SRGAP2: variants seen among roughly 807,000 people sequenced by gnomAD.
SRGAP2 encodes the protein SLIT-ROBO Rho GTPase activating protein 2.
Under a neutral mutation model 57.2 loss-of-function variants are expected in SRGAP2, and 15 were observed. That is an observed-to-expected ratio of 0.26 (90% CI 0.18 to 0.40). The LOEUF is 0.40. Among genes scored for constraint, SRGAP2 ranks in the 10% least tolerant of loss-of-function variants. The probability of loss-of-function intolerance (pLI) is 1.00; values close to 1 mark genes in which losing one functional copy is unlikely to be tolerated. For missense variants in SRGAP2, 520 were observed against 669.6 expected (o/e 0.78, Z 2.47); for synonymous variants, 249 against 248.0 (o/e 1.00, Z -0.04).
intron 2 of SRGAP2, among the ~76,000 whole-genome samples, chr1:206,281,591 G>T (rs1670738262): frequency 8.5e-6 from 1 of 117,908 alleles, no homozygotes. Flanking sequence ...TCAGCACTTT[G>T]GGAGGCTGAG....
At chr1:206,413,822 G>A (rs1295766323) in intron 10 of SRGAP2, among the ~76,000 whole-genome samples, 2 of 152,182 alleles carry the variant, frequency 1.3e-5, no homozygotes, top group East Asian at 1.9e-4. Flanking sequence ...TGTATGAGAA[G>A]TGCTGTCATG....
chr1:206,417,997 G>T (rs1465681208), intron 11 of SRGAP2, among the ~76,000 whole-genome samples: 1 of 151,104 alleles, frequency 6.6e-6, no homozygotes, highest in Non-Finnish European at 1.5e-5. Flanking sequence ...GAGTGAATGG[G>T]TTTACTCACA....
chr1:206,238,742 G>A (rs1156962237), intron 2 of SRGAP2, among the ~76,000 whole-genome samples: 31 of 152,194 alleles, frequency 2.0e-4, no homozygotes, highest in Non-Finnish European at 2.9e-5. Context: ...TGGGCAGAGT[G>A]TTTGAATAGC....
Position 206,203,555 on chromosome 1 carries a change from C to T in SRGAP2, c.-638C>T. The T allele has an allele frequency of 1.7e-6, 1 of 579,834 alleles. No individual in the cohort carries two copies. The highest frequency in any genetic ancestry group is 3.1e-6 in the Non-Finnish European group (1 of 325,682). 35.9% of individuals were successfully genotyped at this position (579,834 alleles called of 1,614,324 possible). On this transcript the variant is annotated 5_prime_UTR_variant, in exon 1 of 23. Coordinates refer to ENST00000573034, the MANE Select transcript of SRGAP2 (RefSeq NM_015326.5). ...GAGGCTCCTCCAGGGACTGGGGCAC[C>T]GATCTGCGTAGAAACGGGTGGCGGG...
chr1:206,441,748 G>C (rs1662325478), intron 17 of SRGAP2, among the ~76,000 whole-genome samples: 1 of 152,192 alleles, frequency 6.6e-6, no homozygotes, highest in South Asian at 2.1e-4. Flanking sequence ...TGCAGTCCCT[G>C]GTGGCAGCAA....
At chr1:206,456,801 C>T (rs1553378633) in intron 21 of SRGAP2, among the ~76,000 whole-genome samples, 1 of 152,096 alleles carries the variant, frequency 6.6e-6, no homozygotes, top group African/African-American at 2.4e-5. Context: ...ACCTCCTGCC[C>T]CCCACGCCAC....
chr1:206,409,138 T>TTA (rs1658954800), intron 10 of SRGAP2, among the ~76,000 whole-genome samples: 1 of 101,276 alleles, frequency 9.9e-6, no homozygotes, highest in Admixed American at 1.2e-4. Context: ...TGTGCTTTCT[T>TTA]TAGTCTGTTG....
rs781978820 is a variant in SRGAP2 at position 206,461,031 on chromosome 1, T to C, written c.2833-6T>C. The C allele has an allele frequency of 8.8e-6, 6 of 683,032 alleles. No individual in the cohort carries two copies. Among genetic ancestry groups the C allele is most frequent in the Non-Finnish European group, 1.4e-5 (5 of 370,168 alleles). 42.3% of individuals were successfully genotyped at this position (683,032 alleles called of 1,614,324 possible). On this transcript the variant is annotated splice_polypyrimidine_tract_variant and splice_region_variant and intron_variant, in intron 22 of 22. Coordinates refer to ENST00000573034, the MANE Select transcript of SRGAP2 (RefSeq NM_015326.5). ...GCCTCACCTCCTCCTTTTTCCTGTT[T>C]TGCAGGATATTGAGGCAACAATGAA... is the stretch of plus-strand genomic sequence containing the variant.
intron 3 of SRGAP2, among the ~76,000 whole-genome samples, chr1:206,313,907 A>C (rs1197979514): frequency 6.6e-6 from 1 of 151,514 alleles, no homozygotes; most frequent in African/African-American, 2.4e-5. Flanking sequence ...GTACTCCTAG[A>C]GCTTACAGTC....
chr1:206,432,467 C>A (rs188395205), intron 14 of SRGAP2, among the ~76,000 whole-genome samples: 2 of 152,238 alleles, frequency 1.3e-5, no homozygotes, highest in East Asian at 1.9e-4. Context: ...AAAATGCATG[C>A]GCACAAGGTT....
Position 206,205,848 on chromosome 1 carries a change from A to G in SRGAP2, c.-123A>G. 1 of 700,536 alleles carries G rather than the reference A, an allele frequency of 1.4e-6. No homozygotes were observed. Among genetic ancestry groups the G allele is most frequent in the Non-Finnish European group, 2.4e-6 (1 of 410,226 alleles). 43.4% of individuals were successfully genotyped at this position (700,536 alleles called of 1,614,324 possible). ...GCCCGCGCTCCACGGAGCGCTGGAGACCACCGTGGGGGGCCCCTTCTGCCC... is the reference window on the plus strand; with the variant it reads ...GCCCGCGCTCCACGGAGCGCTGGAGGCCACCGTGGGGGGCCCCTTCTGCCC... On this transcript the variant is annotated 5_prime_UTR_variant, in exon 2 of 23. Coordinates refer to ENST00000573034, the MANE Select transcript of SRGAP2 (RefSeq NM_015326.5).
chr1:206,391,615 GCACA>G lies in SRGAP2; in HGVS notation c.487-1051_487-1048del, dbSNP rs201726708. 1.9e-3 allele frequency among the ~76,000 whole-genome samples: 218 copies of G among 115,500 alleles called. 6 individuals carry two copies. Among genetic ancestry groups the G allele is most frequent in the Middle Eastern group, 4.3e-3 (1 of 232 alleles). The allele number at this position is 115,500 out of a possible 152,430, so 75.8% of individuals were successfully genotyped here. Reference sequence around the variant, plus strand: ...GCACTCCTGTGTTACACACACACATGCACACACACACACACACACACACACATGC... The same window carrying G: ...GCACTCCTGTGTTACACACACACATGCACACACACACACACACACACATGC... On this transcript the variant is annotated intron_variant, in intron 5 of 22. Transcript: ENST00000573034.
intron 2 of SRGAP2, among the ~76,000 whole-genome samples, chr1:206,229,649 A>G (rs1248900382): frequency 5.3e-5 from 8 of 152,118 alleles, no homozygotes; most frequent in Non-Finnish European, 7.3e-5. Flanking sequence ...CTCTTCAGCA[A>G]TTAACACCTT....
At chr1:206,438,680 G>T (rs1305857400) in intron 16 of SRGAP2, among the ~76,000 whole-genome samples, 1 of 152,196 alleles carries the variant, frequency 6.6e-6, no homozygotes, top group Non-Finnish European at 1.5e-5. Context: ...GGTTTAGCTT[G>T]TGGTACTGGA....
chr1:206,411,163 G>A (rs1457082177), intron 10 of SRGAP2, among the ~76,000 whole-genome samples: 3 of 152,154 alleles, frequency 2.0e-5, no homozygotes, highest in Non-Finnish European at 4.4e-5. Flanking sequence ...CCCAGCCTAA[G>A]TATTTCCTTT....
intron 3 of SRGAP2, among the ~76,000 whole-genome samples, chr1:206,329,853 G>A (rs1190472126): frequency 7.1e-6 from 1 of 141,226 alleles, no homozygotes; most frequent in Admixed American, 7.2e-5. Context: ...TTGAATAGGA[G>A]TGGTGAGAGA....
chr1:206,415,815 C>G, intron 10 of SRGAP2, 74 bp from the exon 11 acceptor site: 1 of 716,286 alleles, frequency 1.4e-6, no homozygotes, highest in Non-Finnish European at 2.6e-6. Flanking sequence ...GGGGAATTGT[C>G]CAGCTGAGCA....
chr1:206,303,462 C>T lies in SRGAP2; in HGVS notation c.249C>T (p.Asp83=), dbSNP rs1477330577. ...RFLAKTRSTK[D]QQFKKDQNVL... ...TGGCCAAGACACGCAGCACCAAGGA[C>T]CAGCAATTCAAGTAGGGGCTCTGTG... The change falls in exon 3 of 23, where the codon GAC becomes GAT. Residue 83 remains aspartate (D), a synonymous_variant. Transcript: ENST00000573034. 1.3e-5 allele frequency: 20 copies of T among 1,529,304 alleles called. No individual in the cohort carries two copies. The African/African-American group carries it at 2.2e-4, about 17-fold the overall frequency. The allele number at this position is 1,529,304 out of a possible 1,614,324, so 94.7% of individuals were successfully genotyped here. A position where few individuals can be genotyped will look rare whatever the true frequency, so the allele number is the denominator to read the frequency against.
At position 206,458,706 on chromosome 1, in the gene SRGAP2, C is replaced by T. The variant is rs1287329486; in HGVS notation, c.2591C>T (p.Ser864Phe). 2 of 779,838 alleles carry T rather than the reference C, an allele frequency of 2.6e-6. No homozygotes were observed. The highest frequency in any genetic ancestry group is 4.8e-6 in the Non-Finnish European group (2 of 417,654). 48.3% of individuals were successfully genotyped at this position (779,838 alleles called of 1,614,324 possible). A position where few individuals can be genotyped will look rare whatever the true frequency, so the allele number is the denominator to read the frequency against. ...GGGCTGAGCAGTTCCCTGACTGACTCCTCCTCCCCAGGGGTGGGGGCTAGC... is the reference window on the plus strand; with the variant it reads ...GGGCTGAGCAGTTCCCTGACTGACTTCTCCTCCCCAGGGGTGGGGGCTAGC... ...SHGLSSSLTD[S>F]SSPGVGASCR... is the part of the protein sequence containing the mutation. The change falls in exon 22 of 23, where the codon TCC becomes TTC. Residue 864 changes from serine (S) to phenylalanine (F), a missense_variant. By Grantham distance (155) the Ser-to-Phe change is radical. Around this residue, in one of 5 missense-constraint regions of SRGAP2, gnomAD observed 478 missense variants for 373.6 expected, o/e 1.28. Coordinates refer to ENST00000573034, the MANE Select transcript of SRGAP2 (RefSeq NM_015326.5).
Sources: allele counts gnomAD v4.1 joint callset (sites outside exome capture counted in the v4.1 genomes callset), GRCh38; gene constraint gnomAD v4.1.1; regional missense constraint gnomAD v4.1.1; transcripts MANE v1.5; gene names NCBI Gene and HGNC (gene_info 2026-07-23, HGNC 2026-07-21).